Variants in GRIK2 observed in about 807,000 individuals in gnomAD.
GRIK2 encodes glutamate receptor ionotropic, kainate 2.
Under a neutral mutation model 100.3 loss-of-function variants are expected in GRIK2, and 32 were observed. The ratio of observed to expected loss-of-function variants is 0.32; its 90% confidence interval spans 0.24 to 0.43. The LOEUF (loss-of-function observed/expected upper bound fraction) is 0.43, where lower values mean the gene tolerates loss of function less well. Ranked by LOEUF, GRIK2 falls within the 20% of genes least tolerant of loss-of-function variation. The pLI, the probability that GRIK2 is intolerant of heterozygous loss-of-function variation, is 1.00. For missense variants in GRIK2, 843 were observed against 1,114.9 expected (o/e 0.76, Z 3.47); for synonymous variants, 417 against 389.4 (o/e 1.07, Z -0.83).
At chr6:101,971,476 A>ATTCTGTTATGTGGGCATGTCAAGG (rs1793048655) in intron 14 of GRIK2, among the ~76,000 whole-genome samples, 3 of 151,984 alleles carry the variant, frequency 2.0e-5, no homozygotes, top group Non-Finnish European at 4.4e-5. Flanking sequence ...CATTGGAAAG[A>ATTCTGTTATGTGGGCATGTCAAGG]TTCTGTTATG....
intron 14 of GRIK2, among the ~76,000 whole-genome samples, chr6:102,009,837 T>A (rs1335020): frequency 0.12 from 18,402 of 152,100 alleles, 3,178 homozygotes; most frequent in African/African-American, 0.38. Context: ...GCATGGTAAA[T>A]TGAGTGTATG....
rs183580400 is a variant in GRIK2 at position 101,938,556 on chromosome 6, T to C, written c.2085+9924T>C. Among the ~76,000 whole-genome samples the C allele has an allele frequency of 4.6e-3, 707 of 152,236 alleles. 8 individuals are homozygous for C. The highest frequency in any genetic ancestry group is 0.017 in the African/African-American group (689 of 41,578). On this transcript the variant is annotated intron_variant, in intron 14 of 16. Transcript: ENST00000369134. Reference sequence around the variant, plus strand: ...CTGAAACAACTTGAATCTTTGTTTTTATGCTGTGATATTAGTGGCTGTGGC... The same window carrying C: ...CTGAAACAACTTGAATCTTTGTTTTCATGCTGTGATATTAGTGGCTGTGGC...
rs569742039 is a variant in GRIK2, at chr6:101,660,062, A to G, written c.542-16561A>G. On this transcript the variant is annotated intron_variant, in intron 4 of 16. Transcript: ENST00000369134. ...GTTCTCCTTGATAATATCCTGAAGA[A>G]TATTTTCCAACTTGGTTCCATTCTC... is the stretch of plus-strand genomic sequence containing the variant. Among the ~76,000 whole-genome samples the G allele has an allele frequency of 1.2e-3, 176 of 152,192 alleles. 1 individual carries two copies. Among genetic ancestry groups the G allele is most frequent in the African/African-American group, 4.1e-3 (171 of 41,548 alleles).
chr6:101,394,829 C>T (rs1774942876), intron 1 of GRIK2, among the ~76,000 whole-genome samples: 1 of 151,972 alleles, frequency 6.6e-6, no homozygotes. Flanking sequence ...GTCAAACAAA[C>T]AACAAAAAAT....
chr6:101,565,182 A>G (rs1400023825), intron 2 of GRIK2, among the ~76,000 whole-genome samples: 1 of 152,102 alleles, frequency 6.6e-6, no homozygotes, highest in Non-Finnish European at 1.5e-5. Context: ...GACCTTCCCC[A>G]AAAGAAGTAT....
chr6:102,040,300 T>C (rs1770496365), intron 15 of GRIK2, among the ~76,000 whole-genome samples: 1 of 151,580 alleles, frequency 6.6e-6, no homozygotes, highest in African/African-American at 2.4e-5. Context: ...TATTAGGGTA[T>C]ATTTTATTTA....
rs1375914050 is a variant in GRIK2 at position 102,023,600 on chromosome 6, G to C, written c.2086-11741G>C. On this transcript the variant is annotated intron_variant, in intron 14 of 16. Coordinates refer to ENST00000369134, the MANE Select transcript of GRIK2 (RefSeq NM_021956.5). ...TAAAAGTGAGTTGAGTCCACAGAAA[G>C]TTTTGAGTGTCAGGAAAGGAGCAAT... is the stretch of plus-strand genomic sequence containing the variant. Among the ~76,000 whole-genome samples the C allele has an allele frequency of 2.0e-5, 3 of 151,542 alleles. No individual in the cohort carries two copies. The Admixed American group carries it at 2.0e-4, about 10-fold the overall frequency.
At position 101,802,383 on chromosome 6, in the gene GRIK2, T is replaced by G. The variant is rs761345701; in HGVS notation, c.1148T>G (p.Leu383Trp). ...ATAACTTTCAACAAAACCAATGGCT[T>G]GAGAACAGATTTTGATTTGGATGTG... is the stretch of plus-strand genomic sequence containing the variant. Reference protein sequence around the residue: ...GRITFNKTNGLRTDFDLDVIS... With the variant: ...GRITFNKTNGWRTDFDLDVIS... The change falls in exon 9 of 17, where the codon TTG (leucine) becomes TGG (tryptophan). Residue 383 changes from leucine (L) to tryptophan (W), a missense_variant. By Grantham distance (61) the Leu-to-Trp change is moderately conservative. Around this residue, in one of 3 missense-constraint regions of GRIK2, gnomAD observed 519 missense variants for 643.8 expected, o/e 0.81. Coordinates refer to ENST00000369134, the MANE Select transcript of GRIK2 (RefSeq NM_021956.5). 6.3e-7 allele frequency: 1 copy of G among 1,593,370 alleles called. No individual in the cohort carries two copies. The highest frequency in any genetic ancestry group is 8.6e-7 in the Non-Finnish European group (1 of 1,168,286).
At chr6:101,538,055 C>T (rs1775801010) in intron 2 of GRIK2, among the ~76,000 whole-genome samples, 1 of 151,732 alleles carries the variant, frequency 6.6e-6, no homozygotes, top group African/African-American at 2.4e-5. Context: ...ACATTTGAAA[C>T]CAACAAGACT....
At chr6:101,514,255 T>C (rs1048118092) in intron 2 of GRIK2, among the ~76,000 whole-genome samples, 3 of 151,764 alleles carry the variant, frequency 2.0e-5, no homozygotes, top group Non-Finnish European at 4.4e-5. Flanking sequence ...AGATGAATCA[T>C]AGACACAAGT....
intron 2 of GRIK2, among the ~76,000 whole-genome samples, chr6:101,565,263 C>T (rs1235572651): frequency 6.6e-6 from 1 of 152,060 alleles, no homozygotes; most frequent in Non-Finnish European, 1.5e-5. Context: ...TAGTTGGTTA[C>T]CAGTATAATT....
Position 101,682,563 on chromosome 6 carries a change from TG to T in GRIK2, c.737del (p.Gly246GlufsTer2). On this transcript the variant is annotated frameshift_variant, in exon 6 of 17. Transcript: ENST00000369134. LOFTEE classifies it high-confidence loss of function. ...AAGILKQALA[M>X]GMMTEYYHYI... ...TTTTTTTTTCCTTAGGCATTAGCTA[TG>T]GGAATGATGACAGAATACTATCATT... 7.6e-7 allele frequency: 1 copy of T among 1,323,982 alleles called. No individual in the cohort carries two copies. Among genetic ancestry groups the T allele is most frequent in the Non-Finnish European group, 1.1e-6 (1 of 923,500 alleles). 82.0% of individuals were successfully genotyped at this position (1,323,982 alleles called of 1,614,324 possible).
intron 11 of GRIK2, among the ~76,000 whole-genome samples, chr6:101,888,259 A>G (rs915166727): frequency 7.9e-5 from 12 of 152,112 alleles, no homozygotes; most frequent in African/African-American, 2.4e-4. Flanking sequence ...CCTGGTTCCA[A>G]TGATTAATTA....
At chr6:101,441,471 A>G (rs1770049721) in intron 2 of GRIK2, among the ~76,000 whole-genome samples, 1 of 152,086 alleles carries the variant, frequency 6.6e-6, no homozygotes, top group African/African-American at 2.4e-5. Flanking sequence ...TTTTTCTTTT[A>G]TCTTAAAACT....
At chr6:101,933,533 T>C (rs1790418828) in intron 14 of GRIK2, among the ~76,000 whole-genome samples, 1 of 151,950 alleles carries the variant, frequency 6.6e-6, no homozygotes, top group Non-Finnish European at 1.5e-5. Flanking sequence ...TAATTAAAAA[T>C]AATATTTTCC....
chr6:101,420,360 G>A (rs1313663021), intron 2 of GRIK2, among the ~76,000 whole-genome samples: 5 of 152,160 alleles, frequency 3.3e-5, no homozygotes, highest in Admixed American at 6.6e-5. Flanking sequence ...TATATTTAAC[G>A]ATTTGTTCAT....
At chr6:101,794,470 T>G (rs1325641174) in intron 7 of GRIK2, among the ~76,000 whole-genome samples, 4 of 152,214 alleles carry the variant, frequency 2.6e-5, no homozygotes, top group African/African-American at 9.6e-5. Context: ...AAGGTTATTA[T>G]TCTTTAATTG....
rs140266180 is a variant in GRIK2 at position 101,467,809 on chromosome 6, A to G, written c.115+68417A>G. 4.1e-3 allele frequency among the ~76,000 whole-genome samples: 618 copies of G among 152,138 alleles called. 3 individuals are homozygous for G. The highest frequency in any genetic ancestry group is 0.014 in the African/African-American group (584 of 41,518). ...TTCACATGATGAATACACATATAGA[A>G]CCTCTATAATGAAAAGCAATCTAGA... On this transcript the variant is annotated intron_variant, in intron 2 of 16. Coordinates refer to ENST00000369134, the MANE Select transcript of GRIK2 (RefSeq NM_021956.5).
At chr6:101,791,144 C>A (rs930864649) in intron 7 of GRIK2, among the ~76,000 whole-genome samples, 1 of 151,810 alleles carries the variant, frequency 6.6e-6, no homozygotes, top group African/African-American at 2.4e-5. Flanking sequence ...TTTGTTGATC[C>A]TTTCAAAAAA....
Sources: gnomAD v4.1 joint callset for allele counts (sites outside exome capture counted in the v4.1 genomes callset) on GRCh38, gnomAD v4.1.1 for gene constraint, gnomAD v4.1.1 regional missense constraint, MANE v1.5 for transcripts, NCBI Gene and HGNC (gene_info 2026-07-23, HGNC 2026-07-21) for gene names.